ACACB: variants seen among roughly 807,000 people sequenced by gnomAD.
The protein encoded by ACACB is acetyl-CoA carboxylase beta.
In ACACB, 209 loss-of-function variants were observed where a neutral mutation model predicts 278.8. That is an observed-to-expected ratio of 0.75 (90% CI 0.67 to 0.84). The LOEUF is 0.84. Among genes scored for constraint, ACACB ranks in the 40% least tolerant of loss-of-function variants. The probability of loss-of-function intolerance (pLI) is 0.00; values close to 1 mark genes in which losing one functional copy is unlikely to be tolerated. For synonymous variants in ACACB, 1,174 were observed against 1,285.6 expected, an observed-to-expected ratio of 0.91 and a Z score of 1.86; for missense variants, 2,850 against 3,269.0, an observed-to-expected ratio of 0.87 and a Z score of 3.13.
At position 109,167,645 on chromosome 12, in the gene ACACB, A is replaced by ATATATT. The variant is rs1256422451; in HGVS notation, c.787-246_787-245insTTATAT. Among the ~76,000 whole-genome samples the ATATATT allele has an allele frequency of 7.2e-5, 10 of 138,138 alleles. 1 individual carries two copies. The highest frequency in any genetic ancestry group is 1.2e-4 in the Non-Finnish European group (8 of 64,568). The allele number at this position is 138,138 out of a possible 152,430, so 90.6% of individuals were successfully genotyped here. A position where few individuals can be genotyped will look rare whatever the true frequency, so the allele number is the denominator to read the frequency against. On this transcript the variant is annotated intron_variant, in intron 3 of 52. Transcript: ENST00000338432. ...TGTATATATATATATATATATATAT[A>ATATATT]TATATATATTTCAGACAAACAGCCA...
Position 109,246,377 on chromosome 12 carries a change from C to A in ACACB, c.5500C>A (p.Arg1834Ser). The change falls in exon 39 of 53, where the codon CGT becomes AGT. Residue 1834 changes from arginine to serine, a missense_variant. Physicochemically the swap from Arg to Ser is moderately radical, Grantham distance 110. Transcript: ENST00000338432. ...TTACGTGGCAGCCAACAGTGGCGCCCGTATTGGCATGGCAGAGGAGATCAA... is the reference window on the plus strand; with the variant it reads ...TTACGTGGCAGCCAACAGTGGCGCCAGTATTGGCATGGCAGAGGAGATCAA... ...KIYVAANSGA[R>S]IGMAEEIKHM... is the part of the protein sequence containing the mutation. 1 of 1,613,450 alleles carries A rather than the reference C, an allele frequency of 6.2e-7. No individual in the cohort carries two copies. The highest frequency in any genetic ancestry group is 1.3e-5 in the African/African-American group (1 of 74,766).
chr12:109,123,391 T>TTTAA (rs1267871410), intron 1 of ACACB, among the ~76,000 whole-genome samples: 1 of 151,500 alleles, frequency 6.6e-6, no homozygotes, highest in East Asian at 2.0e-4. Context: ...ATTTGTTTGT[T>TTTAA]TTAAGAGACA....
intron 2 of ACACB, among the ~76,000 whole-genome samples, chr12:109,143,049 AC>A (rs2043157436): frequency 6.6e-6 from 1 of 152,194 alleles, no homozygotes; most frequent in East Asian, 1.9e-4. Context: ...GAGCTGAATG[AC>A]ATTGTAGGAT....
chr12:109,229,227 G>A (rs145049660), intron 28 of ACACB, among the ~76,000 whole-genome samples: 74 of 152,222 alleles, frequency 4.9e-4, no homozygotes, highest in African/African-American at 1.7e-3. Flanking sequence ...ACAGGCGTGA[G>A]CCACCGTGCC....
At chr12:109,244,584 TTG>T (rs2136694267) in intron 37 of ACACB, among the ~76,000 whole-genome samples, 1 of 152,164 alleles carries the variant, frequency 6.6e-6, no homozygotes, top group African/African-American at 2.4e-5. Flanking sequence ...GATAAATCCA[TTG>T]TCTCTTTTTT....
intron 47 of ACACB, chr12:109,260,270 A>T (rs2047344447): frequency 8.3e-7 from 1 of 1,205,442 alleles, no homozygotes; most frequent in Non-Finnish European, 1.2e-6. Flanking sequence ...GCCTTCACAG[A>T]TGAGGCCACT....
chr12:109,210,399 A>C (rs550649991), intron 21 of ACACB, among the ~76,000 whole-genome samples: 2 of 144,500 alleles, frequency 1.4e-5, no homozygotes, highest in African/African-American at 5.2e-5. Flanking sequence ...ATATATGTAT[A>C]TACACGCACA....
intron 1 of ACACB, among the ~76,000 whole-genome samples, chr12:109,133,080 C>T (rs1006802784): frequency 5.9e-5 from 9 of 152,300 alleles, no homozygotes; most frequent in Middle Eastern, 3.4e-3. Context: ...TTTGTCCAGC[C>T]AGCCAGGATT....
chr12:109,122,351 C>T (rs963540492), intron 1 of ACACB, among the ~76,000 whole-genome samples: 1 of 152,134 alleles, frequency 6.6e-6, no homozygotes, highest in Admixed American at 6.5e-5. Context: ...TGGTTCATGC[C>T]TGTAATCCCA....
chr12:109,210,045 A>C (rs1254443591), intron 21 of ACACB, among the ~76,000 whole-genome samples: 1 of 90,636 alleles, frequency 1.1e-5, no homozygotes, highest in South Asian at 3.7e-4. Context: ...GTATATGTGT[A>C]TATATACACA....
At chr12:109,253,544 G>C (rs981183052) in intron 43 of ACACB, among the ~76,000 whole-genome samples, 1 of 152,122 alleles carries the variant, frequency 6.6e-6, no homozygotes, top group Non-Finnish European at 1.5e-5. Flanking sequence ...TTCTGAGCCT[G>C]TTTCCTCATC....
chr12:109,173,721 T>C (rs1028126695), intron 6 of ACACB, among the ~76,000 whole-genome samples: 2 of 152,212 alleles, frequency 1.3e-5, no homozygotes, highest in African/African-American at 4.8e-5. Flanking sequence ...AGTTGAGTCA[T>C]TGTGACAGAG....
chr12:109,220,327 C>G (rs1285803733), intron 24 of ACACB, among the ~76,000 whole-genome samples: 2 of 152,082 alleles, frequency 1.3e-5, no homozygotes, highest in Non-Finnish European at 2.9e-5. Flanking sequence ...TATTTGGTAC[C>G]TGAGAGGTTT....
chr12:109,150,885 G>A (rs992760818), intron 2 of ACACB, among the ~76,000 whole-genome samples: 2 of 152,130 alleles, frequency 1.3e-5, no homozygotes, highest in African/African-American at 4.8e-5. Flanking sequence ...ACTTAGGAAG[G>A]GGCTGGGAGA....
intron 11 of ACACB, among the ~76,000 whole-genome samples, chr12:109,184,918 C>T (rs1006691563): frequency 6.6e-6 from 1 of 151,824 alleles, no homozygotes; most frequent in Middle Eastern, 3.2e-3. Flanking sequence ...CATTATGTTG[C>T]CCAGGCTGGT....
At chr12:109,194,411 G>A (rs2045021110) in intron 16 of ACACB, among the ~76,000 whole-genome samples, 1 of 152,092 alleles carries the variant, frequency 6.6e-6, no homozygotes, top group Admixed American at 6.6e-5. Context: ...GCCTAGGCTG[G>A]TCTTGAACTC....
intron 30 of ACACB, 40 bp from the exon 31 acceptor site, chr12:109,233,898 C>A: frequency 6.2e-7 from 1 of 1,613,424 alleles, no homozygotes; most frequent in Non-Finnish European, 8.5e-7. Flanking sequence ...GGCCGTGGCC[C>A]CCAGGCTTTC....
chr12:109,134,557 T>C (rs964323588), intron 1 of ACACB, among the ~76,000 whole-genome samples: 1 of 152,232 alleles, frequency 6.6e-6, no homozygotes, highest in Non-Finnish European at 1.5e-5. Context: ...GTTTCAGGAC[T>C]CGGACCTTTC....
At chr12:109,169,089 A>G (rs2136171234) in intron 4 of ACACB, among the ~76,000 whole-genome samples, 1 of 140,970 alleles carries the variant, frequency 7.1e-6, no homozygotes, top group South Asian at 2.4e-4. Context: ...AGGTTGCAGT[A>G]GGCTGAGATC....
Sources: gnomAD v4.1 joint callset for allele counts (sites outside exome capture counted in the v4.1 genomes callset) on GRCh38, gnomAD v4.1.1 for gene constraint, MANE v1.5 for transcripts, NCBI Gene and HGNC (gene_info 2026-07-23, HGNC 2026-07-21) for gene names.